Variants in NUF2 observed in about 807,000 individuals in gnomAD.
NUF2 encodes kinetochore protein Nuf2.
In NUF2, 34 loss-of-function variants were observed where a neutral mutation model predicts 61.8. The observed-to-expected ratio is 0.55, with a 90% CI of 0.42 to 0.73. NUF2 has a LOEUF of 0.73. NUF2 is among the 30% of genes least tolerant of loss of function. The pLI is 0.00. For synonymous variants in NUF2, 172 were observed against 181.6 expected (o/e 0.95, Z 0.42); for missense variants, 445 against 539.1 (o/e 0.83, Z 1.73).
chr1:163,336,884 A>T (rs1650777739), intron 6 of NUF2, 36 bp downstream of exon 6: 3 of 1,214,680 alleles, frequency 2.5e-6, no homozygotes, highest in African/African-American at 3.0e-5. Context: ...TACATGCCAG[A>T]TCAGTAACAT....
chr1:163,328,656 G>A (rs1650503568), intron 4 of NUF2, 190 bp from the exon 5 acceptor site: 1 of 522,908 alleles, frequency 1.9e-6, no homozygotes, highest in Admixed American at 3.6e-5. Context: ...ATGACTACAT[G>A]ATTAATATAC....
At chr1:163,350,067 C>G (rs932130304) in intron 13 of NUF2, among the ~76,000 whole-genome samples, 5 of 151,708 alleles carry the variant, frequency 3.3e-5, no homozygotes, top group African/African-American at 1.2e-4. Flanking sequence ...TTTGGGAGGC[C>G]GAGGCGGGCG....
intron 13 of NUF2, among the ~76,000 whole-genome samples, chr1:163,352,327 T>G (rs1651348974): frequency 6.6e-6 from 1 of 152,246 alleles, no homozygotes; most frequent in Non-Finnish European, 1.5e-5. Flanking sequence ...TTTCTTTGAT[T>G]TTAGATTCTT....
chr1:163,328,932 T>C (rs1209893330), intron 5 of NUF2, 25 bp downstream of exon 5: 1 of 1,400,746 alleles, frequency 7.1e-7, no homozygotes, highest in African/African-American at 1.4e-5. Context: ...AAAACAGTTT[T>C]AATGTCTGGC....
Position 163,349,054 on chromosome 1 carries a change from G to T in NUF2, c.1234G>T (p.Ala412Ser). Residue 412 changes from alanine to serine, a missense_variant, in exon 13 of 14, where the codon GCT becomes TCT. Transcript: ENST00000271452. ...KLGIQQLKDAAEREKLKSQEI... is the reference protein window; with the variant it reads ...KLGIQQLKDASEREKLKSQEI... The stretch of plus-strand genomic sequence containing the variant: ...TGGAATTCAACAACTAAAAGATGCT[G>T]CTGAAAGGGAGAAACTGAAGTCCCA... 2 of 1,608,894 alleles carry T rather than the reference G, an allele frequency of 1.2e-6. No individual in the cohort carries two copies. Among genetic ancestry groups the T allele is most frequent in the East Asian group, 4.5e-5 (2 of 44,726 alleles).
chr1:163,326,200 G>C (rs1335194779), intron 2 of NUF2, 26 bp downstream of exon 2: 1 of 1,606,132 alleles, frequency 6.2e-7, no homozygotes. Flanking sequence ...GTTTGCATGT[G>C]GATAATGGTA....
At chr1:163,330,891 A>G (rs1177831408) in intron 5 of NUF2, among the ~76,000 whole-genome samples, 1 of 151,020 alleles carries the variant, frequency 6.6e-6, no homozygotes, top group Non-Finnish European at 1.5e-5. Flanking sequence ...TGATTTTTAT[A>G]TATTGACTTT....
chr1:163,350,747 G>A (rs1651289224), intron 13 of NUF2, among the ~76,000 whole-genome samples: 1 of 149,766 alleles, frequency 6.7e-6, no homozygotes, highest in Non-Finnish European at 1.5e-5. Flanking sequence ...CAAACACATT[G>A]ATTAGCATCT....
At chr1:163,353,425 G>C (rs6427730) in intron 13 of NUF2, among the ~76,000 whole-genome samples, 89,118 of 151,982 alleles carry the variant, frequency 0.59, 26,563 homozygotes, top group Middle Eastern at 0.68. Flanking sequence ...CTGTATTGCT[G>C]AATACTGTAG....
At position 163,355,725 on chromosome 1, in the gene NUF2, G is replaced by A; in HGVS notation, c.*256G>A. 4.4e-6 allele frequency: 1 copy of A among 226,880 alleles called. No individual in the cohort carries two copies. The highest frequency in any genetic ancestry group is 8.6e-6 in the Non-Finnish European group (1 of 116,214). 14.1% of individuals were successfully genotyped at this position (226,880 alleles called of 1,614,324 possible). On this transcript the variant is annotated 3_prime_UTR_variant, in exon 14 of 14. Coordinates refer to ENST00000271452, the MANE Select transcript of NUF2 (RefSeq NM_145697.3). Reference sequence around the variant, plus strand: ...AAATAGTTTGAGTAAAACAAAACTAGTTACCTTTGAAATATATATATTTTT... The same window carrying A: ...AAATAGTTTGAGTAAAACAAAACTAATTACCTTTGAAATATATATATTTTT...
chr1:163,338,149 G>GT (rs1650825427), intron 7 of NUF2, 56 bp downstream of exon 7: 4 of 1,361,278 alleles, frequency 2.9e-6, no homozygotes, highest in Non-Finnish European at 2.1e-6. Flanking sequence ...AAAATGAATT[G>GT]TAAGTAGTAT....
At chr1:163,341,432 A>G (rs1329368950) in intron 9 of NUF2, among the ~76,000 whole-genome samples, 1 of 151,340 alleles carries the variant, frequency 6.6e-6, no homozygotes, top group Non-Finnish European at 1.5e-5. Context: ...CTGGTCTCAA[A>G]CTCTTCACCT....
chr1:163,336,450 T>G (rs576988954), intron 5 of NUF2, among the ~76,000 whole-genome samples: 2 of 152,306 alleles, frequency 1.3e-5, no homozygotes, highest in South Asian at 4.1e-4. Context: ...TTGCCTTTTA[T>G]CCAGCATCTA....
rs761032457 is a variant in NUF2, at chr1:163,355,472, A to G, written c.*3A>G. Reference sequence around the variant, plus strand: ...AGATGTTCAAAATGTCAACCTGATTAACAAAATTACATGTCTTTTTGTAAA... The same window carrying G: ...AGATGTTCAAAATGTCAACCTGATTGACAAAATTACATGTCTTTTTGTAAA... On this transcript the variant is annotated 3_prime_UTR_variant, in exon 14 of 14. Transcript: ENST00000271452. The G allele has an allele frequency of 2.5e-6, 4 of 1,583,140 alleles. No individual in the cohort carries two copies. The highest frequency in any genetic ancestry group is 3.4e-6 in the Non-Finnish European group (4 of 1,167,912).
chr1:163,339,363 C>G lies in NUF2; in HGVS notation c.510-18C>G. 1 of 1,516,884 alleles carries G rather than the reference C, an allele frequency of 6.6e-7. No individual in the cohort carries two copies. The highest frequency in any genetic ancestry group is 9.1e-7 in the Non-Finnish European group (1 of 1,097,760). 94.0% of individuals were successfully genotyped at this position (1,516,884 alleles called of 1,614,324 possible). On this transcript the variant is annotated intron_variant, in intron 7 of 13. Transcript: ENST00000271452. Reference sequence around the variant, plus strand: ...CAAAAGTGAAGAGCAGTATTTTAATCTATTTTGCTGTGTTAAGTTCTGTTC... The same window carrying G: ...CAAAAGTGAAGAGCAGTATTTTAATGTATTTTGCTGTGTTAAGTTCTGTTC...
In NUF2 at chr1:163,332,696, C is replaced by T. The variant is rs190353070; in HGVS notation, c.337+3789C>T. 1.5e-3 allele frequency among the ~76,000 whole-genome samples: 228 copies of T among 152,244 alleles called. 1 individual carries two copies. The highest frequency in any genetic ancestry group is 3.4e-3 in the Middle Eastern group (1 of 294). Reference sequence around the variant, plus strand: ...TCTACTTTCATGATCACATTGCTTTCTATTTTCTGTGTATAGTCCAATCTC... The same window carrying T: ...TCTACTTTCATGATCACATTGCTTTTTATTTTCTGTGTATAGTCCAATCTC... On this transcript the variant is annotated intron_variant, in intron 5 of 13. Transcript: ENST00000271452.
chr1:163,338,929 A>G (rs939309303), intron 7 of NUF2, among the ~76,000 whole-genome samples: 7 of 151,610 alleles, frequency 4.6e-5, no homozygotes, highest in African/African-American at 1.4e-4. Context: ...AATAGCTAAT[A>G]TATCAGATAG....
At chr1:163,342,958 A>G (rs1314738474) in intron 9 of NUF2, among the ~76,000 whole-genome samples, 17 of 152,190 alleles carry the variant, frequency 1.1e-4, no homozygotes, top group Admixed American at 1.1e-3. Flanking sequence ...ACATAGAGTC[A>G]TAGAGGGTCC....
chr1:163,328,611 A>G (rs1650502580), intron 4 of NUF2: 3 of 505,604 alleles, frequency 5.9e-6, no homozygotes, highest in Non-Finnish European at 1.0e-5. Context: ...TTTATGTACT[A>G]TTTATTAGAA....
Sources: allele counts gnomAD v4.1 joint callset (sites outside exome capture counted in the v4.1 genomes callset), GRCh38; gene constraint gnomAD v4.1.1; transcripts MANE v1.5; gene names NCBI Gene and HGNC (gene_info 2026-07-23, HGNC 2026-07-21).